The following NDUFAF2 variants were observed in gnomAD, a reference collection of about 807,000 sequenced individuals.
NDUFAF2 encodes the protein NADH:ubiquinone oxidoreductase complex assembly factor 2, also known as NADH dehydrogenase [ubiquinone] 1 alpha subcomplex assembly factor 2.
NDUFAF2 carries 13 observed loss-of-function variants against 22.8 expected under a neutral mutation model. The ratio of observed to expected loss-of-function variants is 0.57; its 90% CI spans 0.37 to 0.91. The LOEUF (loss-of-function observed/expected upper bound fraction) is 0.91. Among genes scored for constraint, NDUFAF2 ranks in the 40% least tolerant of loss-of-function variants. The probability of loss-of-function intolerance (pLI) is 0.01; values close to 1 mark genes in which losing one functional copy is unlikely to be tolerated. For synonymous variants in NDUFAF2, 53 were observed against 64.2 expected (o/e 0.83, Z 0.84); for missense variants, 162 against 195.2 (o/e 0.83, Z 1.01).
At chr5:61,068,877 A>C (rs1752261389) in intron 1 of NDUFAF2, among the ~76,000 whole-genome samples, 1 of 152,154 alleles carries the variant, frequency 6.6e-6, no homozygotes, top group African/African-American at 2.4e-5. Context: ...AACATATCTT[A>C]GTGGTTAAGT....
At chr5:61,125,246 A>G (rs1200074643) in intron 3 of NDUFAF2, among the ~76,000 whole-genome samples, 1 of 152,036 alleles carries the variant, frequency 6.6e-6, no homozygotes, top group Non-Finnish European at 1.5e-5. Flanking sequence ...TACTCAAATA[A>G]TTGTTACCAT....
intron 1 of NDUFAF2, among the ~76,000 whole-genome samples, chr5:60,946,778 A>G (rs1235675681): frequency 6.6e-6 from 1 of 152,180 alleles, no homozygotes; most frequent in Non-Finnish European, 1.5e-5. Context: ...CACCATCAGA[A>G]TTTCCTCCAA....
chr5:61,099,096 G>A, intron 3 of NDUFAF2, 64 bp downstream of exon 3: 1 of 1,102,994 alleles, frequency 9.1e-7, no homozygotes, highest in Non-Finnish European at 1.3e-6. Context: ...CGAAGCTTCA[G>A]AAAAACTATG....
chr5:61,073,048 C>A, intron 1 of NDUFAF2, 77 bp from the exon 2 acceptor site: 1 of 866,146 alleles, frequency 1.2e-6, no homozygotes, highest in Non-Finnish European at 2.0e-6. Flanking sequence ...AGGGGTTATG[C>A]AATATTCAAA....
At chr5:61,079,248 T>C (rs2111740108) in intron 2 of NDUFAF2, among the ~76,000 whole-genome samples, 1 of 152,336 alleles carries the variant, frequency 6.6e-6, no homozygotes, top group South Asian at 2.1e-4. Context: ...TTGTTCATAA[T>C]TATTCAACAT....
intron 1 of NDUFAF2, among the ~76,000 whole-genome samples, chr5:61,069,125 G>GC (rs1252587955): frequency 2.9e-5 from 4 of 139,238 alleles, no homozygotes; most frequent in African/African-American, 7.9e-5. Flanking sequence ...AAATGTTAGT[G>GC]CTTTTTTTTT....
At chr5:60,999,533 G>A (rs764303197) in intron 1 of NDUFAF2, among the ~76,000 whole-genome samples, 1 of 152,026 alleles carries the variant, frequency 6.6e-6, no homozygotes, top group African/African-American at 2.4e-5. Flanking sequence ...TTCACTGATA[G>A]AGAAGCAAAT....
intron 1 of NDUFAF2, among the ~76,000 whole-genome samples, chr5:60,961,396 C>T (rs1168473835): frequency 6.6e-6 from 1 of 151,968 alleles, no homozygotes; most frequent in East Asian, 1.9e-4. Context: ...GAGATCGAGA[C>T]CATCCTGGCT....
intron 1 of NDUFAF2, among the ~76,000 whole-genome samples, chr5:60,969,965 A>G (rs769161253): frequency 2.0e-5 from 3 of 152,098 alleles, no homozygotes; most frequent in Non-Finnish European, 2.9e-5. Context: ...TTCCAGCACC[A>G]TTTATTGAAG....
chr5:61,136,035 A>ATATG (rs1554018956), intron 3 of NDUFAF2, among the ~76,000 whole-genome samples: 3 of 89,804 alleles, frequency 3.3e-5, no homozygotes, highest in African/African-American at 1.2e-4. Flanking sequence ...ATATATATAT[A>ATATG]TATATATCTA....
At chr5:61,027,721 A>G (rs897873342) in intron 1 of NDUFAF2, among the ~76,000 whole-genome samples, 1 of 151,944 alleles carries the variant, frequency 6.6e-6, no homozygotes, top group Non-Finnish European at 1.5e-5. Flanking sequence ...ATTCCAAAAT[A>G]TATTAGCTTA....
intron 1 of NDUFAF2, among the ~76,000 whole-genome samples, chr5:61,071,842 C>T (rs1259033709): frequency 6.6e-6 from 1 of 152,118 alleles, no homozygotes; most frequent in Non-Finnish European, 1.5e-5. Context: ...CTCAAAGGTT[C>T]AGTGAGAAAG....
intron 2 of NDUFAF2, among the ~76,000 whole-genome samples, chr5:61,082,445 G>C (rs1037751022): frequency 1.3e-5 from 2 of 151,802 alleles, no homozygotes; most frequent in Admixed American, 1.3e-4. Flanking sequence ...TTAGATTCAG[G>C]GGTTCCATGT....
chr5:61,061,266 A>G (rs1379491208), intron 1 of NDUFAF2, among the ~76,000 whole-genome samples: 1 of 152,208 alleles, frequency 6.6e-6, no homozygotes, highest in Non-Finnish European at 1.5e-5. Flanking sequence ...CATGATAGTT[A>G]GAAAATGATG....
chr5:60,978,093 T>C (rs1275707476), intron 1 of NDUFAF2, among the ~76,000 whole-genome samples: 1 of 151,644 alleles, frequency 6.6e-6, no homozygotes, highest in African/African-American at 2.4e-5. Context: ...GAAGGGAGAG[T>C]GCCGGGATTA....
chr5:61,037,404 A>G (rs992871303), intron 1 of NDUFAF2, among the ~76,000 whole-genome samples: 2 of 152,234 alleles, frequency 1.3e-5, no homozygotes, highest in Non-Finnish European at 2.9e-5. Context: ...AAACTCATAC[A>G]AAGTTAATGA....
At chr5:61,120,188 T>C (rs1225500691) in intron 3 of NDUFAF2, among the ~76,000 whole-genome samples, 3 of 152,140 alleles carry the variant, frequency 2.0e-5, no homozygotes, top group Non-Finnish European at 1.5e-5. Context: ...GACCTCTACC[T>C]CTGTGAAAAC....
intron 3 of NDUFAF2, among the ~76,000 whole-genome samples, chr5:61,129,006 A>C (rs1407674528): frequency 6.6e-6 from 1 of 152,258 alleles, no homozygotes; most frequent in Non-Finnish European, 1.5e-5. Flanking sequence ...GACACTTCTC[A>C]AAAGAAGACA....
intron 1 of NDUFAF2, among the ~76,000 whole-genome samples, chr5:60,991,802 G>A (rs913003303): frequency 6.6e-6 from 1 of 152,080 alleles, no homozygotes; most frequent in African/African-American, 2.4e-5. Flanking sequence ...TTTCTTTGGG[G>A]TATGTACCTA....
Sources: gnomAD v4.1 joint callset for allele counts (sites outside exome capture counted in the v4.1 genomes callset) on GRCh38, gnomAD v4.1.1 for gene constraint, MANE v1.5 for transcripts, NCBI Gene and HGNC (gene_info 2026-07-23, HGNC 2026-07-21) for gene names.